Variants in CTNNA2 observed in about 807,000 individuals in gnomAD.
CTNNA2 encodes the protein catenin alpha-2.
Under a neutral mutation model 101.0 loss-of-function variants are expected in CTNNA2, and 42 were observed. That is an observed-to-expected ratio of 0.42 (90% CI 0.32 to 0.54). CTNNA2 has a LOEUF of 0.54. CTNNA2 is among the 20% of genes least tolerant of loss of function. The pLI, the probability that CTNNA2 is intolerant of heterozygous loss-of-function variation, is 0.14. For synonymous variants in CTNNA2, 450 were observed against 456.4 expected (o/e 0.99, Z 0.18); for missense variants, 871 against 1,223.1 (o/e 0.71, Z 4.29).
chr2:79,484,401 G>A (rs898944425), intron 4 of CTNNA2, among the ~76,000 whole-genome samples: 2 of 152,072 alleles, frequency 1.3e-5, no homozygotes, highest in African/African-American at 4.8e-5. Context: ...GTGAGGTGGG[G>A]TAAGTGGGTC....
chr2:80,582,697 T>C (rs1274506094), intron 14 of CTNNA2, among the ~76,000 whole-genome samples: 1 of 152,186 alleles, frequency 6.6e-6, no homozygotes, highest in Non-Finnish European at 1.5e-5. Context: ...AATCAGATTA[T>C]AGTATAACTG....
chr2:79,538,439 T>C (rs1673205824), intron 1 of CTNNA2, among the ~76,000 whole-genome samples: 1 of 152,170 alleles, frequency 6.6e-6, no homozygotes, highest in Non-Finnish European at 1.5e-5. Flanking sequence ...TATTTAGTTA[T>C]CTTTGGAATT....
intron 3 of CTNNA2, among the ~76,000 whole-genome samples, chr2:79,779,981 ACTTACAAT>A (rs1674300199): frequency 6.6e-6 from 1 of 152,150 alleles, no homozygotes; most frequent in African/African-American, 2.4e-5. Context: ...GATAAGAGAC[ACTTACAAT>A]CTATTATCTC....
At chr2:80,211,154 C>T (rs2149035472) in intron 7 of CTNNA2, among the ~76,000 whole-genome samples, 1 of 152,252 alleles carries the variant, frequency 6.6e-6, no homozygotes, top group Middle Eastern at 3.4e-3. Flanking sequence ...AATTTTCTCC[C>T]ATTGTGTAGG....
chr2:80,060,263 G>C (rs1429459001), intron 7 of CTNNA2, among the ~76,000 whole-genome samples: 1 of 152,194 alleles, frequency 6.6e-6, no homozygotes, highest in African/African-American at 2.4e-5. Context: ...GTCAAGGCCT[G>C]GAGGCTGTCT....
chr2:79,682,174 C>T (rs1017324031), intron 2 of CTNNA2, among the ~76,000 whole-genome samples: 10 of 151,792 alleles, frequency 6.6e-5, no homozygotes, highest in Non-Finnish European at 1.2e-4. Context: ...TTTGGGAGGC[C>T]GAGGCAGGCG....
At chr2:80,343,645 T>G (rs1217940965) in intron 7 of CTNNA2, among the ~76,000 whole-genome samples, 1 of 152,184 alleles carries the variant, frequency 6.6e-6, no homozygotes, top group Non-Finnish European at 1.5e-5. Flanking sequence ...CTTACCATTT[T>G]CACACAATTA....
chr2:79,391,252 A>G (rs1678168939), intron 4 of CTNNA2, among the ~76,000 whole-genome samples: 1 of 152,106 alleles, frequency 6.6e-6, no homozygotes, highest in South Asian at 2.1e-4. Flanking sequence ...TCTGCCACCC[A>G]AAGACAACAA....
At chr2:79,282,404 C>A (rs542137079) in intron 2 of CTNNA2, among the ~76,000 whole-genome samples, 3 of 152,158 alleles carry the variant, frequency 2.0e-5, no homozygotes, top group Non-Finnish European at 4.4e-5. Context: ...CTATCCCTCC[C>A]CGCTCCCCCC....
intron 7 of CTNNA2, among the ~76,000 whole-genome samples, chr2:80,249,778 TGC>T (rs1671609972): frequency 6.6e-6 from 1 of 152,220 alleles, no homozygotes; most frequent in Non-Finnish European, 1.5e-5. Flanking sequence ...TTTCATAGCC[TGC>T]TTTATTTCAC....
chr2:80,513,581 T>G (rs1688879159), intron 9 of CTNNA2, among the ~76,000 whole-genome samples: 2 of 152,246 alleles, frequency 1.3e-5, no homozygotes, highest in African/African-American at 4.8e-5. Context: ...AATTAGGTTA[T>G]GCTGCAGTAA....
intron 2 of CTNNA2, among the ~76,000 whole-genome samples, chr2:79,684,727 C>T (rs1683819206): frequency 6.6e-6 from 1 of 152,092 alleles, no homozygotes; most frequent in Admixed American, 6.6e-5. Flanking sequence ...GAGTTTGGAC[C>T]ATTGTTCATT....
chr2:79,370,584 G>T (rs900261177), intron 3 of CTNNA2, among the ~76,000 whole-genome samples: 1 of 151,752 alleles, frequency 6.6e-6, no homozygotes, highest in Non-Finnish European at 1.5e-5. Context: ...TTGCACTCAG[G>T]ACTCCTGAAC....
At chr2:79,810,416 T>TC (rs1227862216) in intron 3 of CTNNA2, among the ~76,000 whole-genome samples, 1 of 151,874 alleles carries the variant, frequency 6.6e-6, no homozygotes, top group Admixed American at 6.6e-5. Context: ...TTCATTTATC[T>TC]CCCCCTGGGT....
chr2:80,101,346 A>G (rs941182680), intron 7 of CTNNA2, among the ~76,000 whole-genome samples: 4 of 152,232 alleles, frequency 2.6e-5, no homozygotes, highest in Non-Finnish European at 4.4e-5. Flanking sequence ...GATAACATTG[A>G]AACAGTTGAC....
intron 7 of CTNNA2, among the ~76,000 whole-genome samples, chr2:80,378,467 ACACATT>A (rs2149344826): frequency 6.6e-6 from 1 of 152,062 alleles, no homozygotes; most frequent in South Asian, 2.1e-4. Flanking sequence ...ACACACACAC[ACACATT>A]CATTCATATG....
intron 9 of CTNNA2, among the ~76,000 whole-genome samples, chr2:80,434,162 A>C (rs1574031002): frequency 6.6e-6 from 1 of 152,340 alleles, no homozygotes; most frequent in South Asian, 2.1e-4. Context: ...ATATTTCTTT[A>C]GCCTATCTTG....
intron 1 of CTNNA2, among the ~76,000 whole-genome samples, chr2:79,628,935 A>C (rs139114281): frequency 2.1e-4 from 32 of 152,134 alleles, no homozygotes; most frequent in Admixed American, 6.5e-5. Flanking sequence ...GGCACTGTAC[A>C]CTGTGGAGGA....
chr2:80,054,316 C>G (rs541434608), intron 7 of CTNNA2, among the ~76,000 whole-genome samples: 14 of 152,268 alleles, frequency 9.2e-5, no homozygotes, highest in South Asian at 8.3e-4. Context: ...AGACCCTAAA[C>G]TAGGAGGTCA....
Sources: allele counts gnomAD v4.1 joint callset (sites outside exome capture counted in the v4.1 genomes callset), GRCh38; gene constraint gnomAD v4.1.1; transcripts MANE v1.5; gene names NCBI Gene and HGNC (gene_info 2026-07-23, HGNC 2026-07-21).